Variants in ADAM10 observed in about 807,000 individuals in gnomAD.
The protein encoded by ADAM10 is ADAM metallopeptidase domain 10.
In ADAM10, 17 loss-of-function variants were observed where a neutral mutation model predicts 90.1. The ratio of observed to expected loss-of-function variants is 0.19; its 90% CI spans 0.13 to 0.28. The LOEUF is 0.28. Ranked by LOEUF, ADAM10 falls within the 10% of genes least tolerant of loss-of-function variation. The probability of loss-of-function intolerance (pLI) is 1.00; values close to 1 mark genes in which losing one functional copy is unlikely to be tolerated. For synonymous variants in ADAM10, 310 were observed against 298.6 expected (o/e 1.04, Z -0.40); for missense variants, 610 against 914.3 (o/e 0.67, Z 4.29).
chr15:58,611,184 TATG>T, intron 12 of ADAM10, 77 bp from the exon 13 acceptor site: 2 of 1,019,962 alleles, frequency 2.0e-6, no homozygotes, highest in Non-Finnish European at 3.1e-6. Flanking sequence ...GACAGGCAAG[TATG>T]AGCTTCCAAT....
intron 10 of ADAM10, among the ~76,000 whole-genome samples, chr15:58,622,878 A>G (rs1053118076): frequency 1.3e-5 from 2 of 152,224 alleles, no homozygotes; most frequent in Admixed American, 6.5e-5. Flanking sequence ...CTAGGAAATA[A>G]AACTAACTTC....
intron 2 of ADAM10, chr15:58,698,363 G>A (rs1421557940): frequency 2.4e-6 from 1 of 412,520 alleles, no homozygotes; most frequent in South Asian, 1.7e-5. Context: ...TTTCAACCCA[G>A]GAGTTTGAGA....
rs542089216 is a variant in ADAM10 at position 58,592,745 on chromosome 15, CTGATT to C, written c.*4797_*4801del. ...TATGTGGATTTCTAAGGATGGGACT[CTGATT>C]TAATATATATATATATATATATTAA... On this transcript the variant is annotated 3_prime_UTR_variant, in exon 16 of 16. Coordinates refer to ENST00000260408, the MANE Select transcript of ADAM10 (RefSeq NM_001110.4). 26 of 139,162 alleles carry C rather than the reference CTGATT, an allele frequency of 1.9e-4. No homozygotes were observed. The highest frequency in any genetic ancestry group is 3.5e-4 in the Non-Finnish European group (23 of 65,704). 8.6% of individuals were successfully genotyped at this position (139,162 alleles called of 1,614,324 possible).
intron 8 of ADAM10, 22 bp downstream of exon 8, chr15:58,640,755 C>T (rs757944602): frequency 1.9e-6 from 3 of 1,608,772 alleles, no homozygotes; most frequent in East Asian, 2.2e-5. Context: ...TAAGTTAAGA[C>T]ATATTTAATA....
chr15:58,648,477 A>G (rs1896608163), intron 5 of ADAM10, among the ~76,000 whole-genome samples: 2 of 152,178 alleles, frequency 1.3e-5, no homozygotes, highest in Admixed American at 6.5e-5. Context: ...TGTGTGAAAG[A>G]TTTTCTACTC....
chr15:58,625,585 A>C (rs1895912428), intron 10 of ADAM10, among the ~76,000 whole-genome samples: 1 of 152,228 alleles, frequency 6.6e-6, no homozygotes, highest in Non-Finnish European at 1.5e-5. Flanking sequence ...CCACCCTGGA[A>C]AAGAGTTTGG....
At chr15:58,659,128 G>A (rs1290042095) in intron 5 of ADAM10, among the ~76,000 whole-genome samples, 1 of 151,880 alleles carries the variant, frequency 6.6e-6, no homozygotes, top group Non-Finnish European at 1.5e-5. Context: ...CAAAAATTAG[G>A]TGGGCGTGGT....
intron 5 of ADAM10, among the ~76,000 whole-genome samples, chr15:58,652,520 T>C (rs1311440118): frequency 4.6e-5 from 7 of 152,210 alleles, no homozygotes; most frequent in Admixed American, 1.3e-4. Flanking sequence ...ATGGATGTTT[T>C]TGGCACCATT....
chr15:58,684,603 T>G (rs1897536039), intron 2 of ADAM10, among the ~76,000 whole-genome samples: 1 of 152,236 alleles, frequency 6.6e-6, no homozygotes, highest in Non-Finnish European at 1.5e-5. Context: ...ACAGAAACTC[T>G]GTGCTGCCTC....
intron 2 of ADAM10, among the ~76,000 whole-genome samples, chr15:58,705,950 G>A (rs1257077107): frequency 6.6e-6 from 1 of 152,120 alleles, no homozygotes; most frequent in East Asian, 1.9e-4. Flanking sequence ...TTTATCATAG[G>A]TATTTATGTA....
chr15:58,640,466 A>G lies in ADAM10; in HGVS notation c.1012+311T>C, dbSNP rs150308175. Among the ~76,000 whole-genome samples, 337 of 152,218 alleles carry G rather than the reference A, an allele frequency of 2.2e-3. 1 individual carries two copies. Among genetic ancestry groups the G allele is most frequent in the African/African-American group, 7.6e-3 (317 of 41,548 alleles). ...GTTAATAAATATATAACATTTATTA[A>G]CTTTTGTGGAAAAATTAAATTTCCC... is the stretch of plus-strand genomic sequence containing the variant. On this transcript the variant is annotated intron_variant, in intron 8 of 15. Transcript: ENST00000260408.
chr15:58,618,882 G>C (rs1185785543), intron 11 of ADAM10, among the ~76,000 whole-genome samples: 1 of 152,148 alleles, frequency 6.6e-6, no homozygotes, highest in Non-Finnish European at 1.5e-5. Flanking sequence ...AGGATGCAGA[G>C]ATCAGGAACC....
At chr15:58,639,054 C>T (rs1896347385) in intron 8 of ADAM10, among the ~76,000 whole-genome samples, 1 of 151,696 alleles carries the variant, frequency 6.6e-6, no homozygotes, top group East Asian at 1.9e-4. Flanking sequence ...GTACAATAGT[C>T]TGTAACTGAA....
At chr15:58,749,432 CGCTCCGCCGTGGTCGCG>C (rs759486768) in intron 1 of ADAM10, 31 bp downstream of exon 1, 1 of 1,503,700 alleles carries the variant, frequency 6.7e-7, no homozygotes, top group East Asian at 2.8e-5. Context: ...GCCCGGCCGC[CGCTCCGCCGTGGTCGCG>C]GCGCCCCCGG....
chr15:58,608,865 C>A lies in ADAM10; in HGVS notation c.2025+1432G>T, dbSNP rs1376912549. ...AAAAAAATGCTATGTTTAGATATGA[C>A]TTAGTACCCCAAAAATCTAAAATAT... On this transcript the variant is annotated intron_variant, in intron 14 of 15. Coordinates refer to ENST00000260408, the MANE Select transcript of ADAM10 (RefSeq NM_001110.4). Among the ~76,000 whole-genome samples, 5 of 152,102 alleles carry A rather than the reference C, an allele frequency of 3.3e-5. No homozygotes were observed. In the East Asian group the frequency reaches 9.6e-4, roughly 29 times the overall value.
intron 4 of ADAM10, among the ~76,000 whole-genome samples, chr15:58,677,854 CA>C (rs1288437687): frequency 6.6e-6 from 1 of 151,970 alleles, no homozygotes; most frequent in Non-Finnish European, 1.5e-5. Flanking sequence ...ATTACAGGAG[CA>C]AAAGAAACAG....
chr15:58,627,956 T>C lies in ADAM10; in HGVS notation c.1177-73A>G, dbSNP rs1004457232. On this transcript the variant is annotated intron_variant, in intron 9 of 15. Coordinates refer to ENST00000260408, the MANE Select transcript of ADAM10 (RefSeq NM_001110.4). ...TTTCAGGTCAACTGATTAAACGTAA[T>C]GTTCTCATCAGGAAAACAATGGAAG... 2.1e-6 allele frequency: 3 copies of C among 1,435,216 alleles called. No homozygotes were observed. The African/African-American group carries it at 4.2e-5, about 20-fold the overall frequency. The allele number at this position is 1,435,216 out of a possible 1,614,324, so 88.9% of individuals were successfully genotyped here.
intron 1 of ADAM10, among the ~76,000 whole-genome samples, chr15:58,725,623 GA>G (rs1394095437): frequency 3.3e-5 from 5 of 150,374 alleles, no homozygotes; most frequent in Non-Finnish European, 5.9e-5. Context: ...AAACTAGGGA[GA>G]AAAAAAAATT....
chr15:58,731,376 T>TG, intron 1 of ADAM10, among the ~76,000 whole-genome samples: 1 of 152,114 alleles, frequency 6.6e-6, no homozygotes, highest in Middle Eastern at 3.4e-3. Flanking sequence ...CCTAACACTT[T>TG]GGGGGGCCGA....
Sources: allele counts gnomAD v4.1 joint callset (sites outside exome capture counted in the v4.1 genomes callset), GRCh38; gene constraint gnomAD v4.1.1; transcripts MANE v1.5; gene names NCBI Gene and HGNC (gene_info 2026-07-23, HGNC 2026-07-21).